RAPGEF5: variants seen among roughly 807,000 people sequenced by gnomAD.
RAPGEF5 encodes the protein M-Ras-regulated GEF.
Under a neutral mutation model 125.2 loss-of-function variants are expected in RAPGEF5, and 65 were observed. The ratio of observed to expected loss-of-function variants is 0.52; its 90% CI spans 0.43 to 0.64. RAPGEF5 has a LOEUF of 0.64. RAPGEF5 is among the 30% of genes least tolerant of loss of function. The probability of loss-of-function intolerance (pLI) is 0.00; values close to 1 mark genes in which losing one functional copy is unlikely to be tolerated. For missense variants in RAPGEF5, 958 were observed against 1,048.1 expected (o/e 0.91, Z 1.19); for synonymous variants, 391 against 385.9 (o/e 1.01, Z -0.16).
chr7:22,219,161 C>A (rs528812108), intron 9 of RAPGEF5, among the ~76,000 whole-genome samples: 1 of 152,156 alleles, frequency 6.6e-6, no homozygotes, highest in African/African-American at 2.4e-5. Context: ...GTCTCATAAC[C>A]AACAACAACC....
intron 2 of RAPGEF5, among the ~76,000 whole-genome samples, chr7:22,317,553 C>A (rs2128155025): frequency 6.6e-6 from 1 of 152,206 alleles, no homozygotes; most frequent in Admixed American, 6.5e-5. Context: ...AAATGCAACT[C>A]TTTATTGACT....
chr7:22,231,173 T>C (rs538871534), intron 7 of RAPGEF5, among the ~76,000 whole-genome samples: 11 of 152,300 alleles, frequency 7.2e-5, no homozygotes, highest in Non-Finnish European at 4.4e-5. Flanking sequence ...CCTAAACCCA[T>C]CCTGACATCA....
At position 22,338,113 on chromosome 7, in the gene RAPGEF5, T is replaced by G. The variant is rs181618559; in HGVS notation, c.231+18717A>C. 3.3e-5 allele frequency among the ~76,000 whole-genome samples: 5 copies of G among 152,376 alleles called. No homozygotes were observed. The East Asian group carries it at 9.6e-4, about 29-fold the overall frequency. On this transcript the variant is annotated intron_variant, in intron 1 of 25. Coordinates refer to ENST00000665637, the MANE Select transcript of RAPGEF5 (RefSeq NM_012294.5). Reference sequence around the variant, plus strand: ...GGATACTTACCTGCTGCATTTCATTTGAACTAGTGGATCTATTCTACTGCT... The same window carrying G: ...GGATACTTACCTGCTGCATTTCATTGGAACTAGTGGATCTATTCTACTGCT...
chr7:22,139,491 C>T (rs759447028), intron 21 of RAPGEF5, among the ~76,000 whole-genome samples: 65 of 152,338 alleles, frequency 4.3e-4, no homozygotes, highest in Middle Eastern at 3.4e-3. Flanking sequence ...AGACCTTGTG[C>T]GAACTTGAGT....
intron 6 of RAPGEF5, among the ~76,000 whole-genome samples, chr7:22,279,868 G>C (rs1192228808): frequency 1.3e-5 from 2 of 152,170 alleles, no homozygotes; most frequent in Admixed American, 1.3e-4. Flanking sequence ...AAGTCCAAGA[G>C]GGCTGGCAAA....
intron 1 of RAPGEF5, among the ~76,000 whole-genome samples, chr7:22,345,681 AAC>A (rs200745501): frequency 0.017 from 2,483 of 149,882 alleles, 65 homozygotes; most frequent in African/African-American, 0.058. Flanking sequence ...GGTAGATTAG[AAC>A]ATGTCTAGGC....
At position 22,191,501 on chromosome 7, in the gene RAPGEF5, G is replaced by C. The variant is rs969244719; in HGVS notation, c.1204+1866C>G. 16 of 464,968 alleles carry C rather than the reference G, an allele frequency of 3.4e-5. No individual in the cohort carries two copies. The Middle Eastern group carries it at 1.0e-3, about 29-fold the overall frequency. 28.8% of individuals were successfully genotyped at this position (464,968 alleles called of 1,614,324 possible). The stretch of plus-strand genomic sequence containing the variant: ...CCCCCAAACTCTAAGGAAATGAGCA[G>C]GAATTAGGTGAGGTGACCCCAACCA... On this transcript the variant is annotated intron_variant, in intron 11 of 25. Transcript: ENST00000665637.
Position 22,315,404 on chromosome 7 carries a change from T to G in RAPGEF5, c.355A>C (p.Ile119Leu). Residue 119 changes from isoleucine (I) to leucine (L), a missense_variant, in exon 3 of 26, where the codon ATA becomes CTA. Ile to Leu is a conservative substitution (Grantham distance 5, BLOSUM62 2). Transcript: ENST00000665637. The stretch of plus-strand genomic sequence containing the variant: ...CCCTTGAGGTTCACTCTGTCCTTTA[T>G]CAGGTCAGCTGCTTGAACGATAATA... ...NIIIVQAADL[I>L]KDRVNLKGFY... The G allele has an allele frequency of 6.5e-7, 1 of 1,540,674 alleles. No homozygotes were observed. Among genetic ancestry groups the G allele is most frequent in the Non-Finnish European group, 8.7e-7 (1 of 1,142,908 alleles).
intron 7 of RAPGEF5, among the ~76,000 whole-genome samples, chr7:22,233,631 C>G (rs1031909907): frequency 1.1e-4 from 16 of 152,158 alleles, no homozygotes; most frequent in Non-Finnish European, 1.9e-4. Context: ...TTCTTGGGCT[C>G]AAGCAATCCT....
intron 7 of RAPGEF5, among the ~76,000 whole-genome samples, chr7:22,237,250 G>A (rs1372636574): frequency 6.6e-6 from 1 of 151,906 alleles, no homozygotes; most frequent in Non-Finnish European, 1.5e-5. Flanking sequence ...ACAAATATCT[G>A]TCTTTGCTAA....
intron 6 of RAPGEF5, among the ~76,000 whole-genome samples, chr7:22,271,540 G>A (rs1363086095): frequency 6.6e-6 from 1 of 152,146 alleles, no homozygotes; most frequent in East Asian, 1.9e-4. Flanking sequence ...AAATTGCAAG[G>A]AGGCTTTTAA....
At chr7:22,316,380 TAG>T (rs1194747583) in intron 2 of RAPGEF5, among the ~76,000 whole-genome samples, 7 of 144,432 alleles carry the variant, frequency 4.8e-5, no homozygotes, top group African/African-American at 1.8e-4. Context: ...GATAGATAGA[TAG>T]ATTAAATGTG....
chr7:22,347,526 C>T (rs914213121), intron 1 of RAPGEF5, among the ~76,000 whole-genome samples: 1 of 151,992 alleles, frequency 6.6e-6, no homozygotes, highest in African/African-American at 2.4e-5. Flanking sequence ...ATCACAGCAA[C>T]CGTAAGATAC....
At chr7:22,196,955 G>A (rs1785161579) in intron 9 of RAPGEF5, among the ~76,000 whole-genome samples, 2 of 152,156 alleles carry the variant, frequency 1.3e-5, no homozygotes, top group Non-Finnish European at 2.9e-5. Context: ...ATGAACATTG[G>A]GGATTAAAGG....
At chr7:22,144,714 A>G (rs1043795008) in intron 20 of RAPGEF5, among the ~76,000 whole-genome samples, 1 of 152,182 alleles carries the variant, frequency 6.6e-6, no homozygotes, top group Non-Finnish European at 1.5e-5. Flanking sequence ...TGTGCACATC[A>G]TCATCCCCTT....
intron 20 of RAPGEF5, 31 bp from the exon 21 acceptor site, chr7:22,140,146 T>C: frequency 6.6e-7 from 1 of 1,513,350 alleles, no homozygotes; most frequent in Non-Finnish European, 9.0e-7. Flanking sequence ...GAGGACACTT[T>C]GAGGAAACAT....
intron 1 of RAPGEF5, among the ~76,000 whole-genome samples, chr7:22,324,118 G>T (rs965485204): frequency 7.9e-5 from 12 of 152,114 alleles, no homozygotes; most frequent in African/African-American, 2.9e-4. Flanking sequence ...TTAAACAAAT[G>T]ATAAAAATTA....
chr7:22,341,985 G>A (rs1784138229), intron 1 of RAPGEF5, among the ~76,000 whole-genome samples: 2 of 152,152 alleles, frequency 1.3e-5, no homozygotes, highest in African/African-American at 4.8e-5. Flanking sequence ...CCCCCAGTAG[G>A]GACTCTGTTT....
intron 7 of RAPGEF5, among the ~76,000 whole-genome samples, chr7:22,246,343 G>C (rs954317783): frequency 2.0e-5 from 3 of 152,152 alleles, no homozygotes; most frequent in East Asian, 3.8e-4. Flanking sequence ...TAAGGCTACA[G>C]TTACCAAAAC....
Sources: gnomAD v4.1 joint callset for allele counts (sites outside exome capture counted in the v4.1 genomes callset) on GRCh38, gnomAD v4.1.1 for gene constraint, MANE v1.5 for transcripts, NCBI Gene and HGNC (gene_info 2026-07-23, HGNC 2026-07-21) for gene names.